The following CACNA1C variants were observed in gnomAD, a reference collection of about 807,000 sequenced individuals.
CACNA1C encodes the protein voltage-dependent L-type calcium channel subunit alpha-1C.
In CACNA1C, 30 loss-of-function variants were observed where a neutral mutation model predicts 229.0. The observed-to-expected ratio is 0.13, with a 90% confidence interval of 0.10 to 0.18. The LOEUF is 0.18. Ranked by LOEUF, CACNA1C falls within the 10% of genes least tolerant of loss-of-function variation. The pLI, the probability that CACNA1C is intolerant of heterozygous loss-of-function variation, is 1.00. For synonymous variants in CACNA1C, 1,114 were observed against 1,132.5 expected, an observed-to-expected ratio of 0.98 and a Z score of 0.33; for missense variants, 1,658 against 2,845.0, an observed-to-expected ratio of 0.58 and a Z score of 9.49.
chr12:2,681,523 G>A (rs1569236182), intron 42 of CACNA1C, among the ~76,000 whole-genome samples: 1 of 152,180 alleles, frequency 6.6e-6, no homozygotes, highest in African/African-American at 2.4e-5. Flanking sequence ...GGGCCAGCAC[G>A]TCCTGTGCCC....
intron 11 of CACNA1C, among the ~76,000 whole-genome samples, chr12:2,564,617 G>A (rs578096416): frequency 5.3e-5 from 8 of 151,968 alleles, no homozygotes; most frequent in East Asian, 1.9e-4. Flanking sequence ...CTCTACTCCC[G>A]CTCCTCTGGC....
intron 3 of CACNA1C, among the ~76,000 whole-genome samples, chr12:2,249,876 T>C (rs2074933939): frequency 6.6e-6 from 1 of 151,488 alleles, no homozygotes; most frequent in South Asian, 2.1e-4. Context: ...GTTCACGCGA[T>C]TCTCCTGCCT....
intron 8 of CACNA1C, among the ~76,000 whole-genome samples, chr12:2,511,141 G>T (rs996631451): frequency 2.0e-5 from 3 of 152,194 alleles, no homozygotes; most frequent in Admixed American, 6.5e-5. Context: ...TCAAATTTAA[G>T]AAGAAAATTC....
rs759484392 is a variant in CACNA1C, at chr12:2,334,909, C to T, written c.478-114067C>T. ...GTGTTCAAGAAAGATAAGACCGTAA[C>T]GCCTTTCTTAAATGTCTAAGCTTCA... On this transcript the variant is annotated intron_variant, in intron 3 of 46. Transcript: ENST00000399655. Among the ~76,000 whole-genome samples, 151 of 152,244 alleles carry T rather than the reference C, an allele frequency of 9.9e-4. 3 individuals are homozygous for T. The highest frequency in any genetic ancestry group is 6.3e-3 in the Admixed American group (96 of 15,294).
chr12:2,670,027 G>A (rs1308930438), intron 38 of CACNA1C, among the ~76,000 whole-genome samples: 1 of 152,140 alleles, frequency 6.6e-6, no homozygotes, highest in African/African-American at 2.4e-5. Flanking sequence ...CTTAGAGCGT[G>A]GTCAAAAGAC....
chr12:2,577,435 G>A (rs1210179082), intron 13 of CACNA1C, among the ~76,000 whole-genome samples: 1 of 133,204 alleles, frequency 7.5e-6, no homozygotes, highest in Non-Finnish European at 1.7e-5. Context: ...CACAGAAACC[G>A]TTTTCTGTAG....
chr12:2,611,812 G>A (rs768189371), intron 28 of CACNA1C, 91 bp from the exon 29 acceptor site: 30 of 758,542 alleles, frequency 4.0e-5, no homozygotes, highest in Non-Finnish European at 6.6e-5. Context: ...TCTTGCTGAG[G>A]CGAGGGCCTT....
intron 3 of CACNA1C, among the ~76,000 whole-genome samples, chr12:2,351,397 C>T (rs997636215): frequency 9.9e-5 from 15 of 152,208 alleles, no homozygotes; most frequent in Admixed American, 3.9e-4. Flanking sequence ...AAACCATCTC[C>T]CTTCACCTGG....
chr12:2,669,906 C>T (rs1044000096), intron 38 of CACNA1C, among the ~76,000 whole-genome samples: 3 of 152,232 alleles, frequency 2.0e-5, no homozygotes, highest in Non-Finnish European at 4.4e-5. Flanking sequence ...AATCTGCTTG[C>T]TTTATGATGG....
intron 3 of CACNA1C, among the ~76,000 whole-genome samples, chr12:2,446,229 G>GGATGGATA (rs1555593151): frequency 6.7e-6 from 1 of 149,328 alleles, no homozygotes; most frequent in African/African-American, 2.5e-5. Flanking sequence ...ATGGATGGAT[G>GGATGGATA]GATGGGTAGG....
chr12:2,240,310 A>G (rs1013378663), intron 3 of CACNA1C, among the ~76,000 whole-genome samples: 2 of 152,164 alleles, frequency 1.3e-5, no homozygotes, highest in South Asian at 2.1e-4. Flanking sequence ...ATTTCCCCCT[A>G]TTTAGAAAAA....
chr12:2,191,634 ACAC>A (rs1181496644), intron 3 of CACNA1C, among the ~76,000 whole-genome samples: 5 of 151,780 alleles, frequency 3.3e-5, no homozygotes, highest in African/African-American at 1.2e-4. Context: ...ACTCACAGGC[ACAC>A]ATGTAAACAG....
chr12:2,543,780 C>T (rs1023397278), intron 9 of CACNA1C, among the ~76,000 whole-genome samples: 2 of 152,192 alleles, frequency 1.3e-5, no homozygotes, highest in Non-Finnish European at 1.5e-5. Flanking sequence ...CCATGAAAGA[C>T]CAGCCCTGGT....
chr12:1,978,368 TA>T (rs1436943574), intron 1 of CACNA1C, among the ~76,000 whole-genome samples: 2 of 152,154 alleles, frequency 1.3e-5, no homozygotes, highest in Admixed American at 1.3e-4. Flanking sequence ...CGCAAAGTAA[TA>T]AAGAGTTAGT....
intron 9 of CACNA1C, among the ~76,000 whole-genome samples, chr12:2,521,577 C>T (rs1679982065): frequency 6.6e-6 from 1 of 152,230 alleles, no homozygotes; most frequent in African/African-American, 2.4e-5. Context: ...GAGCCCACTT[C>T]TCTCTCCAGA....
intron 3 of CACNA1C, among the ~76,000 whole-genome samples, chr12:2,230,408 G>A (rs2064639379): frequency 6.6e-6 from 1 of 152,232 alleles, no homozygotes; most frequent in Non-Finnish European, 1.5e-5. Flanking sequence ...GCCGAGCCTG[G>A]AAGCACAGTC....
chr12:2,696,986 G>A lies in CACNA1C; in HGVS notation c.*5787G>A, dbSNP rs947277199. The A allele has an allele frequency of 2.6e-5, 4 of 152,316 alleles. No homozygotes were observed. Among genetic ancestry groups the A allele is most frequent in the African/African-American group, 9.7e-5 (4 of 41,414 alleles). 9.4% of individuals were successfully genotyped at this position (152,316 alleles called of 1,614,324 possible). On this transcript the variant is annotated 3_prime_UTR_variant, in exon 47 of 47. Coordinates refer to ENST00000399655, the MANE Select transcript of CACNA1C (RefSeq NM_000719.7). ...CCCAACCCCAAGACTTCCCAATATGGAGAAACTACACCAATGTTTAAAAGG... is the reference window on the plus strand; with the variant it reads ...CCCAACCCCAAGACTTCCCAATATGAAGAAACTACACCAATGTTTAAAAGG...
intron 22 of CACNA1C, among the ~76,000 whole-genome samples, chr12:2,603,941 T>C (rs2074043006): frequency 6.6e-6 from 1 of 152,172 alleles, no homozygotes; most frequent in Non-Finnish European, 1.5e-5. Flanking sequence ...ACAAGAAGCG[T>C]AGGATCTAAC....
At chr12:2,626,936 A>G (rs1047787660) in intron 29 of CACNA1C, among the ~76,000 whole-genome samples, 6 of 152,206 alleles carry the variant, frequency 3.9e-5, no homozygotes, top group Admixed American at 3.3e-4. Context: ...AAGGCCTTCA[A>G]AAATGTCCTG....
Sources: gnomAD v4.1 joint callset for allele counts (sites outside exome capture counted in the v4.1 genomes callset) on GRCh38, gnomAD v4.1.1 for gene constraint, MANE v1.5 for transcripts, NCBI Gene and HGNC (gene_info 2026-07-23, HGNC 2026-07-21) for gene names.